PCDHA9: variants seen among roughly 807,000 people sequenced by gnomAD.
The protein encoded by PCDHA9 is protocadherin alpha-9.
In PCDHA9, 62 loss-of-function variants were observed where a neutral mutation model predicts 62.0. The ratio of observed to expected loss-of-function variants is 1.00; its 90% CI spans 0.81 to 1.23. The LOEUF (loss-of-function observed/expected upper bound fraction) is 1.23, where lower values mean the gene tolerates loss of function less well. Among genes scored for constraint, PCDHA9 ranks in the 50% most tolerant of loss-of-function variants. The probability of loss-of-function intolerance (pLI) is 0.00; values close to 1 mark genes in which losing one functional copy is unlikely to be tolerated. For synonymous variants in PCDHA9, 557 were observed against 567.6 expected (o/e 0.98, Z 0.27); for missense variants, 1,205 against 1,249.8 (o/e 0.96, Z 0.54).
At chr5:140,891,128 C>G (rs1554184692) in intron 1 of PCDHA9, among the ~76,000 whole-genome samples, 1 of 152,100 alleles carries the variant, frequency 6.6e-6, no homozygotes, top group Non-Finnish European at 1.5e-5. Flanking sequence ...AAATGTCATT[C>G]CTTTAAAGGT....
rs1563376756 is a variant in PCDHA9, at chr5:140,968,306, C to G, written c.2395-10643C>G. 1.9e-6 allele frequency: 3 copies of G among 1,613,808 alleles called. No individual in the cohort carries two copies. The highest frequency in any genetic ancestry group is 2.5e-6 in the Non-Finnish European group (3 of 1,179,908). On this transcript the variant is annotated intron_variant, in intron 1 of 3. Transcript: ENST00000532602. ...CTACTCCCTTCTGGAGAGGGAGATT[C>G]AAGGGCTGCCAGTCACCTCCTATGT... is the stretch of plus-strand genomic sequence containing the variant.
chr5:141,000,292 T>C (rs2097899521), intron 3 of PCDHA9, among the ~76,000 whole-genome samples: 1 of 149,730 alleles, frequency 6.7e-6, no homozygotes, highest in Non-Finnish European at 1.5e-5. Flanking sequence ...GGAATATTGC[T>C]TGAGGCCAGG....
chr5:140,849,816 G>T lies in PCDHA9; in HGVS notation c.1321G>T (p.Val441Leu), dbSNP rs2150451582. ...GCCTTCACTGTGGGCCACGGCCAGG[G>T]TGTCTGTGGAGGTGGCCGACGTGAA... ...GSPSLWATAR[V>L]SVEVADVNDN... The change falls in exon 1 of 4, where the codon GTG (valine) becomes TTG (leucine). Residue 441 changes from valine (V) to leucine (L), a missense_variant. By Grantham distance (32) the Val-to-Leu change is conservative. Around this residue, in one of 3 missense-constraint regions of PCDHA9, gnomAD observed 887 missense variants for 809.5 expected, o/e 1.10. Transcript: ENST00000532602. 94 of 1,598,462 alleles carry T rather than the reference G, an allele frequency of 5.9e-5. 8 individuals are homozygous for T. Among genetic ancestry groups the T allele is most frequent in the Admixed American group, 5.1e-5 (3 of 59,318 alleles).
intron 1 of PCDHA9, among the ~76,000 whole-genome samples, chr5:140,918,519 G>A (rs2078736782): frequency 6.6e-6 from 1 of 152,068 alleles, no homozygotes. Flanking sequence ...AACTTATTGA[G>A]GATTGTTTTA....
At chr5:140,915,861 G>A (rs2077339820) in intron 1 of PCDHA9, among the ~76,000 whole-genome samples, 1 of 152,182 alleles carries the variant, frequency 6.6e-6, no homozygotes, top group African/African-American at 2.4e-5. Flanking sequence ...AGCCAAGTTT[G>A]CATCCTTCCC....
intron 1 of PCDHA9, chr5:140,927,513 C>T (rs371881938): frequency 2.2e-5 from 36 of 1,614,062 alleles, no homozygotes; most frequent in South Asian, 3.3e-5. Flanking sequence ...CAGCTCGGGA[C>T]GGCGGGCTAC....
intron 1 of PCDHA9, chr5:140,967,979 G>A (rs1405177525): frequency 1.2e-6 from 2 of 1,614,100 alleles, no homozygotes; most frequent in African/African-American, 1.3e-5. Flanking sequence ...CCTGGGTCTG[G>A]AGGCCACACT....
intron 1 of PCDHA9, among the ~76,000 whole-genome samples, chr5:140,880,783 G>A (rs1296382612): frequency 6.6e-6 from 1 of 152,154 alleles, no homozygotes; most frequent in Non-Finnish European, 1.5e-5. Flanking sequence ...GAATGTTAGA[G>A]GAGTAATATA....
chr5:140,870,880 G>C (rs782304708), intron 1 of PCDHA9: 1 of 1,613,948 alleles, frequency 6.2e-7, no homozygotes, highest in South Asian at 1.1e-5. Context: ...GGTGGCGAAG[G>C]TGCGCGCAGT....
intron 3 of PCDHA9, among the ~76,000 whole-genome samples, chr5:141,005,701 CAAAAAAA>C (rs59860837): frequency 1.3e-4 from 1 of 7,786 alleles, no homozygotes; most frequent in African/African-American, 4.7e-4. Context: ...AACTCCGTCT[CAAAAAAA>C]AAAAAAAAAA....
intron 3 of PCDHA9, among the ~76,000 whole-genome samples, chr5:141,007,109 GA>G (rs1473367544): frequency 6.6e-6 from 1 of 152,138 alleles, no homozygotes; most frequent in Non-Finnish European, 1.5e-5. Flanking sequence ...CAAACCCAAG[GA>G]AGCTTCAACA....
At chr5:140,938,805 A>G (rs367644327) in intron 1 of PCDHA9, among the ~76,000 whole-genome samples, 3 of 152,162 alleles carry the variant, frequency 2.0e-5, no homozygotes, top group East Asian at 3.9e-4. Context: ...TCGGTACCAC[A>G]AACCCCTGTG....
At chr5:140,903,570 C>G (rs781884167) in intron 1 of PCDHA9, among the ~76,000 whole-genome samples, 3 of 152,154 alleles carry the variant, frequency 2.0e-5, no homozygotes, top group Non-Finnish European at 4.4e-5. Context: ...GAATTGGGAG[C>G]TGTCTAGCTG....
intron 1 of PCDHA9, among the ~76,000 whole-genome samples, chr5:140,888,040 T>C (rs1338203545): frequency 6.6e-6 from 1 of 152,222 alleles, no homozygotes; most frequent in Non-Finnish European, 1.5e-5. Context: ...TTAGTACATG[T>C]ATAATAGATG....
At chr5:140,948,292 A>G (rs1174586168) in intron 1 of PCDHA9, among the ~76,000 whole-genome samples, 1 of 151,576 alleles carries the variant, frequency 6.6e-6, no homozygotes, top group Non-Finnish European at 1.5e-5. Flanking sequence ...AATTTTGTAA[A>G]GAATATCTTT....
intron 1 of PCDHA9, among the ~76,000 whole-genome samples, chr5:140,949,318 T>C (rs1554218908): frequency 6.6e-6 from 1 of 151,876 alleles, no homozygotes; most frequent in African/African-American, 2.4e-5. Flanking sequence ...GATTTATAAA[T>C]ATAAATTATT....
In PCDHA9 at chr5:141,010,797, AC is replaced by A. The variant is rs1329759215; in HGVS notation, c.*864del. Reference sequence around the variant, plus strand: ...AATACTTATGCAAAAGCAAAAGAAAACCCCGACACCTCACCTTTCGCTGTTT... The same window carrying A: ...AATACTTATGCAAAAGCAAAAGAAAACCCGACACCTCACCTTTCGCTGTTT... On this transcript the variant is annotated 3_prime_UTR_variant, in exon 4 of 4. Transcript: ENST00000532602. The A allele has an allele frequency of 6.5e-6, 1 of 153,778 alleles. No homozygotes were observed. The highest frequency in any genetic ancestry group is 2.4e-5 in the African/African-American group (1 of 41,460). 9.5% of individuals were successfully genotyped at this position (153,778 alleles called of 1,614,324 possible).
chr5:140,897,312 T>G (rs1367286366), intron 1 of PCDHA9, among the ~76,000 whole-genome samples: 12 of 150,180 alleles, frequency 8.0e-5, no homozygotes, highest in Non-Finnish European at 1.6e-4. Context: ...TAGGTATATC[T>G]CCTAAAGCTA....
At chr5:140,914,079 A>G (rs2076595090) in intron 1 of PCDHA9, among the ~76,000 whole-genome samples, 1 of 152,164 alleles carries the variant, frequency 6.6e-6, no homozygotes, top group South Asian at 2.1e-4. Context: ...ATAACTATCT[A>G]TTAGGTCAAT....
Sources: gnomAD v4.1 joint callset for allele counts (sites outside exome capture counted in the v4.1 genomes callset) on GRCh38, gnomAD v4.1.1 for gene constraint, gnomAD v4.1.1 regional missense constraint, MANE v1.5 for transcripts, NCBI Gene and HGNC (gene_info 2026-07-23, HGNC 2026-07-21) for gene names.